Variants in KANSL1L observed in about 807,000 individuals in gnomAD.
KANSL1L encodes KAT8 regulatory NSL complex subunit 1 like.
In KANSL1L, 25 loss-of-function variants were observed where a neutral mutation model predicts 108.6. The ratio of observed to expected loss-of-function variants is 0.23; its 90% CI spans 0.17 to 0.32. The LOEUF (loss-of-function observed/expected upper bound fraction) is 0.32. KANSL1L is among the 10% of genes least tolerant of loss of function. The pLI, the probability that KANSL1L is intolerant of heterozygous loss-of-function variation, is 1.00. For synonymous variants in KANSL1L, 405 were observed against 395.1 expected, an observed-to-expected ratio of 1.03 and a Z score of -0.30; for missense variants, 1,137 against 1,125.7, an observed-to-expected ratio of 1.01 and a Z score of -0.14.
chr2:210,167,858 T>C (rs931728018), intron 1 of KANSL1L, among the ~76,000 whole-genome samples: 2 of 152,016 alleles, frequency 1.3e-5, no homozygotes, highest in African/African-American at 2.4e-5. Context: ...GACTATCTAC[T>C]GGCAAGTTTA....
chr2:210,161,558 A>C (rs2095361630), intron 1 of KANSL1L, among the ~76,000 whole-genome samples: 1 of 152,224 alleles, frequency 6.6e-6, no homozygotes, highest in South Asian at 2.1e-4. Context: ...TATTCACAAA[A>C]AGTTGCTAAA....
At chr2:210,125,197 T>C (rs982198181) in intron 3 of KANSL1L, among the ~76,000 whole-genome samples, 8 of 152,056 alleles carry the variant, frequency 5.3e-5, no homozygotes, top group Non-Finnish European at 1.2e-4. Flanking sequence ...GAGGTTGCAG[T>C]GAGCCGAGAT....
intron 5 of KANSL1L, among the ~76,000 whole-genome samples, chr2:210,083,986 T>C (rs191541299): frequency 2.0e-5 from 3 of 152,198 alleles, no homozygotes; most frequent in Admixed American, 1.3e-4. Flanking sequence ...AAACAGTTCC[T>C]AGACCATTTC....
chr2:210,147,620 T>C (rs557267730), intron 2 of KANSL1L, among the ~76,000 whole-genome samples: 3 of 152,342 alleles, frequency 2.0e-5, no homozygotes, highest in African/African-American at 7.2e-5. Flanking sequence ...TTCACTCAAC[T>C]TTTTGTTTTC....
chr2:210,087,463 G>T (rs1415301588), intron 5 of KANSL1L, among the ~76,000 whole-genome samples: 4 of 152,086 alleles, frequency 2.6e-5, no homozygotes, highest in Non-Finnish European at 5.9e-5. Flanking sequence ...CAGAACTGCA[G>T]GAGACAGCCA....
At chr2:210,071,657 C>T (rs1299771081) in intron 6 of KANSL1L, among the ~76,000 whole-genome samples, 1 of 152,082 alleles carries the variant, frequency 6.6e-6, no homozygotes, top group East Asian at 1.9e-4. Context: ...TCTTTAATGA[C>T]CCAATTTCCA....
intron 1 of KANSL1L, among the ~76,000 whole-genome samples, chr2:210,162,719 A>T (rs2095368453): frequency 6.9e-5 from 1 of 14,454 alleles, no homozygotes; most frequent in South Asian, 0.12. Context: ...AAGAAAACTG[A>T]AAAGATCATC....
intron 6 of KANSL1L, among the ~76,000 whole-genome samples, chr2:210,071,694 CTGT>C (rs2094508862): frequency 5.3e-5 from 8 of 152,120 alleles, no homozygotes; most frequent in Admixed American, 5.2e-4. Flanking sequence ...AAGGTGCTAG[CTGT>C]TAGAACGTCA....
intron 3 of KANSL1L, among the ~76,000 whole-genome samples, chr2:210,116,163 G>A (rs1273397627): frequency 6.6e-6 from 1 of 152,194 alleles, no homozygotes; most frequent in Non-Finnish European, 1.5e-5. Flanking sequence ...ACTTGCTGTG[G>A]CCCTGGGGCA....
At chr2:210,040,673 C>A (rs538153498) in intron 7 of KANSL1L, 146 bp from the exon 8 acceptor site, 2 of 478,576 alleles carry the variant, frequency 4.2e-6, no homozygotes, top group Admixed American at 7.8e-5. Context: ...TAACAACTAT[C>A]GGAAGTGACA....
chr2:210,052,335 G>A (rs896755500), intron 6 of KANSL1L, among the ~76,000 whole-genome samples: 15 of 151,286 alleles, frequency 9.9e-5, no homozygotes, highest in Admixed American at 2.6e-4. Flanking sequence ...CTTTTTTTTT[G>A]TTTGTTTGTT....
chr2:210,041,574 T>G (rs2094164660), intron 7 of KANSL1L, among the ~76,000 whole-genome samples: 1 of 152,184 alleles, frequency 6.6e-6, no homozygotes, highest in Admixed American at 6.5e-5. Context: ...TAGCTGAGAC[T>G]ACGGGTGCAC....
chr2:210,024,977 C>A, intron 13 of KANSL1L, 127 bp downstream of exon 13: 1 of 643,500 alleles, frequency 1.6e-6, no homozygotes, highest in East Asian at 2.6e-5. Flanking sequence ...TATTTTACTT[C>A]TGGTGCACAA....
intron 3 of KANSL1L, among the ~76,000 whole-genome samples, chr2:210,122,718 T>C (rs1309826572): frequency 2.6e-5 from 4 of 151,986 alleles, no homozygotes; most frequent in Non-Finnish European, 4.4e-5. Context: ...AGCCTCTGCA[T>C]AGCAAAAGAA....
At chr2:210,127,957 A>G (rs1016253144) in intron 3 of KANSL1L, among the ~76,000 whole-genome samples, 1 of 152,046 alleles carries the variant, frequency 6.6e-6, no homozygotes, top group Non-Finnish European at 1.5e-5. Flanking sequence ...AAAGGACTTG[A>G]ATAAGTACTT....
intron 6 of KANSL1L, among the ~76,000 whole-genome samples, chr2:210,058,740 G>C (rs958438918): frequency 6.6e-6 from 1 of 151,554 alleles, no homozygotes; most frequent in Non-Finnish European, 1.5e-5. Flanking sequence ...GGGAGGTTGA[G>C]GCAGGAGAAT....
intron 3 of KANSL1L, among the ~76,000 whole-genome samples, chr2:210,110,303 T>G (rs1165492866): frequency 2.0e-5 from 3 of 152,236 alleles, no homozygotes; most frequent in Non-Finnish European, 4.4e-5. Flanking sequence ...GATGGTATCC[T>G]TAGTCTGATA....
intron 1 of KANSL1L, among the ~76,000 whole-genome samples, chr2:210,164,938 T>C (rs1222345525): frequency 6.6e-6 from 1 of 150,434 alleles, no homozygotes; most frequent in Non-Finnish European, 1.5e-5. Flanking sequence ...CAATCTCAGC[T>C]CACTGCAACT....
intron 5 of KANSL1L, among the ~76,000 whole-genome samples, chr2:210,079,650 A>ATGTGTG (rs1296415684): frequency 3.1e-4 from 6 of 19,538 alleles, no homozygotes; most frequent in African/African-American, 1.0e-3. Flanking sequence ...ATATATATAT[A>ATGTGTG]TATATATATA....
Sources: allele counts gnomAD v4.1 joint callset (sites outside exome capture counted in the v4.1 genomes callset), GRCh38; gene constraint gnomAD v4.1.1; transcripts MANE v1.5; gene names NCBI Gene and HGNC (gene_info 2026-07-23, HGNC 2026-07-21).